Variants in HECW1 observed in about 807,000 individuals in gnomAD.
HECW1 encodes the protein E3 ubiquitin-protein ligase HECW1.
A neutral mutation model predicts 182.3 loss-of-function variants in HECW1; 61 were observed. That is an observed-to-expected ratio of 0.33 (90% CI 0.27 to 0.41). The LOEUF is 0.41. Ranked by LOEUF, HECW1 falls within the 10% of genes least tolerant of loss-of-function variation. The pLI is 1.00. For synonymous variants in HECW1, 859 were observed against 832.6 expected (o/e 1.03, Z -0.55); for missense variants, 1,739 against 2,108.9 (o/e 0.82, Z 3.44).
intron 7 of HECW1, among the ~76,000 whole-genome samples, chr7:43,403,410 T>C (rs963920444): frequency 6.6e-6 from 1 of 152,208 alleles, no homozygotes; most frequent in African/African-American, 2.4e-5. Flanking sequence ...TACAGTTTAT[T>C]ATGCAGATTC....
intron 6 of HECW1, among the ~76,000 whole-genome samples, chr7:43,390,368 G>A (rs745574757): frequency 1.1e-4 from 17 of 151,828 alleles, no homozygotes; most frequent in Non-Finnish European, 1.6e-4. Context: ...GTGAGACCCC[G>A]TTCCTACAAA....
At chr7:43,436,990 A>C (rs1197709473) in intron 8 of HECW1, among the ~76,000 whole-genome samples, 2 of 152,184 alleles carry the variant, frequency 1.3e-5, no homozygotes, top group Non-Finnish European at 2.9e-5. Context: ...TCAGTCTCCC[A>C]GAGCAGGTGG....
At chr7:43,330,291 G>A (rs149392758) in intron 5 of HECW1, among the ~76,000 whole-genome samples, 2,114 of 152,358 alleles carry the variant, frequency 0.014, 22 homozygotes, top group Middle Eastern at 0.027. Context: ...CTGGCTAGCT[G>A]TGTTCGGGGC....
At chr7:43,529,904 A>G (rs1216792468) in intron 24 of HECW1, among the ~76,000 whole-genome samples, 1 of 152,022 alleles carries the variant, frequency 6.6e-6, no homozygotes, top group Non-Finnish European at 1.5e-5. Flanking sequence ...GAGACCATCT[A>G]ATCAACAGAG....
intron 3 of HECW1, among the ~76,000 whole-genome samples, chr7:43,307,880 A>G (rs1562811831): frequency 1.7e-5 from 1 of 58,776 alleles, no homozygotes; most frequent in Admixed American, 2.2e-4. Context: ...ATTTCACTAT[A>G]TATATATATA....
intron 15 of HECW1, 148 bp downstream of exon 15, chr7:43,466,716 A>C (rs2077795490): frequency 3.3e-6 from 3 of 905,020 alleles, no homozygotes; most frequent in Non-Finnish European, 3.1e-6. Context: ...TCTTTTGACT[A>C]TCCGTGAGTC....
chr7:43,557,043 C>A (rs1210523895), intron 29 of HECW1, among the ~76,000 whole-genome samples: 2 of 151,774 alleles, frequency 1.3e-5, no homozygotes, highest in South Asian at 2.1e-4. Flanking sequence ...TGAATAGTGA[C>A]CCCTGTCCAA....
chr7:43,252,177 A>G (rs1240661972), intron 3 of HECW1, among the ~76,000 whole-genome samples: 2 of 152,086 alleles, frequency 1.3e-5, no homozygotes, highest in African/African-American at 4.8e-5. Flanking sequence ...TCCTTACTCC[A>G]TGATAGATAA....
chr7:43,331,799 G>A (rs1250316587), intron 5 of HECW1, among the ~76,000 whole-genome samples: 1 of 152,204 alleles, frequency 6.6e-6, no homozygotes, highest in Non-Finnish European at 1.5e-5. Context: ...AAGGTTCAGA[G>A]TGGTAGGTGG....
intron 3 of HECW1, among the ~76,000 whole-genome samples, chr7:43,298,925 T>G (rs891637018): frequency 3.3e-5 from 5 of 152,192 alleles, no homozygotes; most frequent in Non-Finnish European, 7.4e-5. Flanking sequence ...AGGTAAAAAA[T>G]GGAAAATTAG....
rs567801915 is a variant in HECW1 at position 43,142,555 on chromosome 7, C to G, written c.-32+28164C>G. On this transcript the variant is annotated intron_variant, in intron 2 of 29. Coordinates refer to ENST00000395891, the MANE Select transcript of HECW1 (RefSeq NM_015052.5). ...AAGCCAACGTCCTGCTAGGTTTCAG[C>G]TCAAAGTGACAGCAGACTGGCTTCC... Among the ~76,000 whole-genome samples, 9 of 152,348 alleles carry G rather than the reference C, an allele frequency of 5.9e-5. No individual in the cohort carries two copies. In the East Asian group the frequency reaches 1.7e-3, roughly 29 times the overall value.
At chr7:43,199,685 C>CAGTTGTGAT in intron 2 of HECW1, among the ~76,000 whole-genome samples, 1 of 152,106 alleles carries the variant, frequency 6.6e-6, no homozygotes, top group Admixed American at 6.5e-5. Context: ...GTGATTCATA[C>CAGTTGTGAT]ACAATTGATT....
chr7:43,386,773 T>G (rs1166847407), intron 6 of HECW1, among the ~76,000 whole-genome samples: 1 of 152,208 alleles, frequency 6.6e-6, no homozygotes, highest in Middle Eastern at 3.4e-3. Flanking sequence ...GTCCATCAGT[T>G]CCCTCATTTG....
At chr7:43,455,527 A>C (rs4724208) in intron 12 of HECW1, among the ~76,000 whole-genome samples, 1 of 152,050 alleles carries the variant, frequency 6.6e-6, no homozygotes, top group Non-Finnish European at 1.5e-5. Context: ...CAAAGAAAGC[A>C]TTCTCCAGCA....
At chr7:43,382,944 C>A (rs2074616076) in intron 6 of HECW1, among the ~76,000 whole-genome samples, 1 of 152,158 alleles carries the variant, frequency 6.6e-6, no homozygotes, top group African/African-American at 2.4e-5. Context: ...CCCCCACCAC[C>A]CAACAGGCCC....
Position 43,243,884 on chromosome 7 carries a change from C to T in HECW1, c.-22C>T, listed in dbSNP as rs542203539. The T allele has an allele frequency of 1.1e-5, 17 of 1,612,496 alleles. No homozygotes were observed. Among genetic ancestry groups the T allele is most frequent in the East Asian group, 2.2e-5 (1 of 44,882 alleles). ...TTGGACTTTTCCCCAGGAATTGATG[C>T]GCGTACACGTGGTGGGTCATTATGC... On this transcript the variant is annotated 5_prime_UTR_variant, in exon 3 of 30. Coordinates refer to ENST00000395891, the MANE Select transcript of HECW1 (RefSeq NM_015052.5). The surrounding 1 kb of genome is among the most constrained non-coding windows in gnomAD (Gnocchi z 4.0).
chr7:43,337,036 T>C (rs748882026), intron 5 of HECW1, among the ~76,000 whole-genome samples: 41 of 152,234 alleles, frequency 2.7e-4, no homozygotes, highest in Non-Finnish European at 4.1e-4. Context: ...ATTAATGATT[T>C]CTTTTCCTTT....
chr7:43,189,386 C>G (rs1260683148), intron 2 of HECW1, among the ~76,000 whole-genome samples: 2 of 87,892 alleles, frequency 2.3e-5, no homozygotes, highest in Non-Finnish European at 2.6e-5. Flanking sequence ...TGCTGGTCCA[C>G]AGATTACACA....
At chr7:43,524,304 C>T (rs2080667141) in intron 24 of HECW1, among the ~76,000 whole-genome samples, 1 of 152,130 alleles carries the variant, frequency 6.6e-6, no homozygotes, top group Non-Finnish European at 1.5e-5. Flanking sequence ...GCAGACACAA[C>T]AGGTTTTCAC....
Sources: allele counts gnomAD v4.1 joint callset (sites outside exome capture counted in the v4.1 genomes callset), GRCh38; gene constraint gnomAD v4.1.1; non-coding constraint Gnocchi (gnomAD v3.1); transcripts MANE v1.5; gene names NCBI Gene and HGNC (gene_info 2026-07-23, HGNC 2026-07-21).